SORT1: variants seen among roughly 807,000 people sequenced by gnomAD.
SORT1 encodes sortilin 1.
SORT1 carries 39 observed loss-of-function variants against 101.7 expected under a neutral mutation model. That is an observed-to-expected ratio of 0.38 (90% CI 0.30 to 0.50). SORT1 has a LOEUF of 0.50. SORT1 is among the 20% of genes least tolerant of loss of function. SORT1 has a pLI of 0.90. For synonymous variants in SORT1, 396 were observed against 393.7 expected, an observed-to-expected ratio of 1.01 and a Z score of -0.07; for missense variants, 878 against 1,040.4, an observed-to-expected ratio of 0.84 and a Z score of 2.15.
intron 8 of SORT1, among the ~76,000 whole-genome samples, chr1:109,344,061 C>G (rs1273349270): frequency 6.6e-6 from 1 of 152,102 alleles, no homozygotes; most frequent in African/African-American, 2.4e-5. Flanking sequence ...TTAAAGGTAC[C>G]CTTGATTCCA....
Position 109,314,346 on chromosome 1 carries a change from G to A in SORT1, c.2396C>T (p.Ala799Val). Residue 799 changes from alanine (A) to valine (V), a missense_variant, in exon 19 of 20, where the codon GCA (alanine) becomes GTA (valine). Physicochemically the swap from Ala to Val is moderately conservative, Grantham distance 64 (BLOSUM62 0). Coordinates refer to ENST00000256637, the MANE Select transcript of SORT1 (RefSeq NM_002959.7). ...CACACCATCCACACCATTGGCCTCT[G>A]CATGCTGCTGCAGCACAGAGTATCG... Reference protein sequence around the residue: ...VHRYSVLQQHAEANGVDGVDA... With the variant: ...VHRYSVLQQHVEANGVDGVDA... 6.2e-7 allele frequency: 1 copy of A among 1,613,944 alleles called. No individual in the cohort carries two copies. The highest frequency in any genetic ancestry group is 8.5e-7 in the Non-Finnish European group (1 of 1,179,952).
chr1:109,354,442 A>C lies in SORT1; in HGVS notation c.633T>G (p.Asp211Glu). The change falls in exon 5 of 20, where the codon GAT becomes GAG. Residue 211 changes from aspartate to glutamate, a missense_variant. This residue lies in a region of SORT1 where 684 missense variants were observed against 894.5 expected (regional missense o/e 0.76). Transcript: ENST00000256637. The stretch of plus-strand genomic sequence containing the variant: ...TCTGAGTGAGAGGATGAAAAGGGAG[A>C]TCTGTTTGCACAAAATTCTTCGCAA... ...SDFAKNFVQT[D>E]LPFHPLTQMM... 1 of 1,613,158 alleles carries C rather than the reference A, an allele frequency of 6.2e-7. No individual in the cohort carries two copies. Among genetic ancestry groups the C allele is most frequent in the South Asian group, 1.1e-5 (1 of 91,064 alleles).
rs755099269 is a variant in SORT1 at position 109,325,103 on chromosome 1, TA to T, written c.1644-15del. On this transcript the variant is annotated splice_polypyrimidine_tract_variant and intron_variant, in intron 13 of 19. Transcript: ENST00000256637. ...TCTGTGGAGAACCTGAAACCACAAT[TA>T]CAGAAAGATCATGACAGAGGATCAA... 1.3e-6 allele frequency: 2 copies of T among 1,583,736 alleles called. No homozygotes were observed. Among genetic ancestry groups the T allele is most frequent in the African/African-American group, 2.7e-5 (2 of 74,226 alleles).
chr1:109,351,165 G>T (rs1374841738), intron 5 of SORT1, among the ~76,000 whole-genome samples, 163 bp from the exon 6 acceptor site: 1 of 152,180 alleles, frequency 6.6e-6, no homozygotes, highest in African/African-American at 2.4e-5. Flanking sequence ...GTTTATCTGG[G>T]CCCTTTTGGG....
chr1:109,342,668 G>A (rs933119989), intron 8 of SORT1, among the ~76,000 whole-genome samples: 8 of 152,262 alleles, frequency 5.3e-5, no homozygotes, highest in African/African-American at 1.9e-4. Flanking sequence ...GATGTAACAC[G>A]CCTTCTCTCT....
intron 1 of SORT1, among the ~76,000 whole-genome samples, chr1:109,395,389 T>C (rs958744511): frequency 6.6e-6 from 1 of 151,814 alleles, no homozygotes; most frequent in Non-Finnish European, 1.5e-5. Flanking sequence ...TCTGGCTAAC[T>C]TTTGTATTTT....
intron 8 of SORT1, among the ~76,000 whole-genome samples, chr1:109,345,183 A>G (rs1649495791): frequency 6.6e-6 from 1 of 152,206 alleles, no homozygotes; most frequent in African/African-American, 2.4e-5. Flanking sequence ...ATTGCTTTCT[A>G]CAGATGTCCA....
intron 10 of SORT1, 73 bp from the exon 11 acceptor site, chr1:109,336,419 T>A (rs1648832619): frequency 4.1e-6 from 4 of 965,416 alleles, no homozygotes; most frequent in Non-Finnish European, 6.7e-6. Flanking sequence ...TATCACTGCA[T>A]GACTCTCTCC....
intron 5 of SORT1, 121 bp downstream of exon 5, chr1:109,354,246 T>C (rs1206499182): frequency 7.2e-6 from 5 of 693,248 alleles, no homozygotes; most frequent in African/African-American, 1.8e-5. Flanking sequence ...ACATACTTCA[T>C]GCCATAAGGA....
chr1:109,372,726 C>T (rs553684753), intron 1 of SORT1, among the ~76,000 whole-genome samples: 2 of 151,928 alleles, frequency 1.3e-5, no homozygotes, highest in Admixed American at 6.6e-5. Flanking sequence ...ACTGAAACCC[C>T]GTCTCTACTA....
At chr1:109,326,940 C>T (rs1648118662) in intron 13 of SORT1, 52 bp downstream of exon 13, 4 of 1,344,344 alleles carry the variant, frequency 3.0e-6, no homozygotes, top group Non-Finnish European at 4.0e-6. Flanking sequence ...GAAGAACATT[C>T]CCCCAGTTGC....
At chr1:109,375,849 T>C (rs1299554297) in intron 1 of SORT1, among the ~76,000 whole-genome samples, 2 of 152,110 alleles carry the variant, frequency 1.3e-5, no homozygotes, top group Non-Finnish European at 2.9e-5. Context: ...GCTGTAATTC[T>C]ATAGCAAGTG....
chr1:109,352,085 A>G (rs1022004596), intron 5 of SORT1, among the ~76,000 whole-genome samples: 11 of 151,956 alleles, frequency 7.2e-5, no homozygotes, highest in African/African-American at 1.9e-4. Flanking sequence ...GATATCATTA[A>G]CTAGTATAAG....
At chr1:109,341,585 G>A (rs1450166058) in intron 9 of SORT1, among the ~76,000 whole-genome samples, 1 of 152,034 alleles carries the variant, frequency 6.6e-6, no homozygotes, top group Admixed American at 6.6e-5. Context: ...TCCTGACCTC[G>A]TGATCTGCCC....
rs188183600 is a variant in SORT1 at position 109,322,842 on chromosome 1, A to G, written c.2024+90T>C. On this transcript the variant is annotated intron_variant, in intron 15 of 19. Transcript: ENST00000256637. Reference sequence around the variant, plus strand: ...GGTGTGAGCCACCGCACCCGGCTGGATTTCAATATTTGTTAGCCCTATAAG... The same window carrying G: ...GGTGTGAGCCACCGCACCCGGCTGGGTTTCAATATTTGTTAGCCCTATAAG... 83 of 1,080,780 alleles carry G rather than the reference A, an allele frequency of 7.7e-5. No individual in the cohort carries two copies. In the African/African-American group the frequency reaches 1.2e-3, roughly 16 times the overall value. The allele number at this position is 1,080,780 out of a possible 1,614,324, so 66.9% of individuals were successfully genotyped here. A position where few individuals can be genotyped will look rare whatever the true frequency, so the allele number is the denominator to read the frequency against.
intron 6 of SORT1, among the ~76,000 whole-genome samples, chr1:109,348,047 T>C (rs1649715299): frequency 6.6e-6 from 1 of 152,270 alleles, no homozygotes; most frequent in Non-Finnish European, 1.5e-5. Flanking sequence ...GCATAGTATA[T>C]GCCTTACCTT....
At chr1:109,335,276 G>GGA (rs976560829) in intron 11 of SORT1, among the ~76,000 whole-genome samples, 2 of 152,212 alleles carry the variant, frequency 1.3e-5, no homozygotes, top group African/African-American at 4.8e-5. Flanking sequence ...CGCTGGGCAG[G>GGA]GAGAGGCATG....
chr1:109,383,902 C>A (rs996380545), intron 1 of SORT1, among the ~76,000 whole-genome samples: 2 of 152,058 alleles, frequency 1.3e-5, no homozygotes, highest in Admixed American at 1.3e-4. Context: ...AGGAGAGTAC[C>A]AGGCTAATAA....
At chr1:109,319,177 T>G (rs113483627) in intron 15 of SORT1, among the ~76,000 whole-genome samples, 1,778 of 152,356 alleles carry the variant, frequency 0.012, 12 homozygotes, top group Non-Finnish European at 0.016. Flanking sequence ...CTTAGCTTCT[T>G]AGATAGTCTT....
Sources: allele counts gnomAD v4.1 joint callset (sites outside exome capture counted in the v4.1 genomes callset), GRCh38; gene constraint gnomAD v4.1.1; regional missense constraint gnomAD v4.1.1; transcripts MANE v1.5; gene names NCBI Gene and HGNC (gene_info 2026-07-23, HGNC 2026-07-21).